Variants in KBTBD12 observed in about 807,000 individuals in gnomAD.
KBTBD12 encodes kelch repeat and BTB domain containing 12.
Under a neutral mutation model 58.7 loss-of-function variants are expected in KBTBD12, and 53 were observed. The ratio of observed to expected loss-of-function variants is 0.90; its 90% confidence interval spans 0.72 to 1.14. KBTBD12 has a LOEUF of 1.14. Among genes scored for constraint, KBTBD12 ranks in the 50% most tolerant of loss-of-function variants. KBTBD12 has a pLI of 0.00. For missense variants in KBTBD12, 704 were observed against 751.3 expected (o/e 0.94, Z 0.74); for synonymous variants, 236 against 259.8 (o/e 0.91, Z 0.88).
intron 4 of KBTBD12, among the ~76,000 whole-genome samples, chr3:127,952,082 C>T (rs1940217727): frequency 6.6e-6 from 1 of 152,212 alleles, no homozygotes; most frequent in African/African-American, 2.4e-5. Flanking sequence ...AGTTATCACA[C>T]TCTTCTTTGC....
At chr3:127,970,031 C>A (rs10934834) in intron 5 of KBTBD12, among the ~76,000 whole-genome samples, 80,213 of 151,964 alleles carry the variant, frequency 0.53, 21,880 homozygotes, top group African/African-American at 0.67. Context: ...GGATGAGAGA[C>A]AATAATTGCA....
intron 4 of KBTBD12, among the ~76,000 whole-genome samples, chr3:127,961,458 T>C (rs1940437833): frequency 6.6e-6 from 1 of 152,214 alleles, no homozygotes; most frequent in Non-Finnish European, 1.5e-5. Context: ...AGTCCCTGGA[T>C]TCAAACTGAG....
At chr3:127,933,899 A>G (rs1939766773) in intron 4 of KBTBD12, among the ~76,000 whole-genome samples, 1 of 152,196 alleles carries the variant, frequency 6.6e-6, no homozygotes, top group African/African-American at 2.4e-5. Flanking sequence ...TTAGTTAAAA[A>G]CAACAACAAA....
intron 4 of KBTBD12, among the ~76,000 whole-genome samples, chr3:127,959,459 G>A (rs946410094): frequency 6.6e-6 from 1 of 152,096 alleles, no homozygotes; most frequent in Non-Finnish European, 1.5e-5. Flanking sequence ...AACTATTAAG[G>A]ACAATTTGAC....
At chr3:127,975,331 C>T (rs932304314) in intron 5 of KBTBD12, among the ~76,000 whole-genome samples, 1 of 152,272 alleles carries the variant, frequency 6.6e-6, no homozygotes, top group East Asian at 1.9e-4. Context: ...GAGTAGCAGA[C>T]GGATGTAGTC....
Position 127,928,000 on chromosome 3 carries a change from A to C in KBTBD12, c.1307A>C (p.Asn436Thr). The stretch of plus-strand genomic sequence containing the variant: ...TGTCATGCTGTAGTGACAGTGAATA[A>C]TAAACTTTATGTAATTGGAGGCTGG... ...LACHAVVTVN[N>T]KLYVIGGWTP... The change falls in exon 3 of 6, where the codon AAT becomes ACT. Residue 436 changes from asparagine (N) to threonine (T), a missense_variant. Transcript: ENST00000405109. The C allele has an allele frequency of 1.9e-6, 3 of 1,613,566 alleles. No homozygotes were observed. The highest frequency in any genetic ancestry group is 2.5e-6 in the Non-Finnish European group (3 of 1,179,678).
intron 3 of KBTBD12, among the ~76,000 whole-genome samples, chr3:127,929,136 A>C (rs1279884572): frequency 1.3e-5 from 2 of 152,230 alleles, no homozygotes; most frequent in Admixed American, 1.3e-4. Context: ...ATTAGAAGGA[A>C]AATTAAAACC....
chr3:127,959,918 T>C (rs923673014), intron 4 of KBTBD12, among the ~76,000 whole-genome samples: 2 of 152,244 alleles, frequency 1.3e-5, no homozygotes, highest in African/African-American at 2.4e-5. Context: ...GTCCACATGC[T>C]TTTTCCAAGG....
At chr3:127,932,129 A>G (rs984739199) in intron 4 of KBTBD12, among the ~76,000 whole-genome samples, 1 of 152,150 alleles carries the variant, frequency 6.6e-6, no homozygotes, top group Admixed American at 6.5e-5. Flanking sequence ...AGGTTTTTAC[A>G]GTAGCTTACA....
intron 4 of KBTBD12, among the ~76,000 whole-genome samples, chr3:127,941,758 C>A: frequency 6.6e-6 from 1 of 152,094 alleles, no homozygotes; most frequent in East Asian, 1.9e-4. Flanking sequence ...TGCCATCACG[C>A]CCAGCTCATT....
chr3:127,976,448 C>T (rs906404820), intron 5 of KBTBD12, among the ~76,000 whole-genome samples: 11 of 152,170 alleles, frequency 7.2e-5, no homozygotes, highest in Non-Finnish European at 1.5e-4. Context: ...AAATCTTCCT[C>T]TCTTGATGTC....
chr3:127,955,314 A>G (rs1940297437), intron 4 of KBTBD12, among the ~76,000 whole-genome samples: 1 of 152,222 alleles, frequency 6.6e-6, no homozygotes, highest in African/African-American at 2.4e-5. Context: ...GTTTACTGAA[A>G]ACATAACAGC....
Position 127,927,897 on chromosome 3 carries a change from A to G in KBTBD12, c.1204A>G (p.Ile402Val), listed in dbSNP as rs763969985. 1.9e-6 allele frequency: 3 copies of G among 1,613,584 alleles called. No homozygotes were observed. The East Asian group carries it at 6.7e-5, about 36-fold the overall frequency. Reference protein sequence around the residue: ...GQMKIKNQYLITNCVDKYSVE... With the variant: ...GQMKIKNQYLVTNCVDKYSVE... ...GATGAAAATTAAAAACCAGTATCTT[A>G]TTACAAACTGTGTTGATAAGTACTC... Residue 402 changes from isoleucine (I) to valine (V), a missense_variant, in exon 3 of 6, where the codon ATT becomes GTT. Coordinates refer to ENST00000405109, the MANE Select transcript of KBTBD12 (RefSeq NM_207335.4).
intron 5 of KBTBD12, among the ~76,000 whole-genome samples, chr3:127,971,832 AC>A (rs1419136919): frequency 6.6e-6 from 1 of 152,152 alleles, no homozygotes; most frequent in Non-Finnish European, 1.5e-5. Flanking sequence ...GACCCAAACA[AC>A]ATTTTCACCT....
intron 5 of KBTBD12, among the ~76,000 whole-genome samples, chr3:127,974,820 T>C (rs1940750246): frequency 6.6e-6 from 1 of 151,900 alleles, no homozygotes; most frequent in South Asian, 2.1e-4. Flanking sequence ...CTACTAAAAA[T>C]ACAAAAAAAT....
Position 127,984,742 on chromosome 3 carries a change from C to T in KBTBD12, c.*464C>T, listed in dbSNP as rs1476276971. The stretch of plus-strand genomic sequence containing the variant: ...CCTGGCTGGGCCAGATTGCCTGGGG[C>T]ACAGGGTTTGTGGTCAAGGCTGGAA... On this transcript the variant is annotated 3_prime_UTR_variant, in exon 6 of 6. Coordinates refer to ENST00000405109, the MANE Select transcript of KBTBD12 (RefSeq NM_207335.4). 1 of 153,270 alleles carries T rather than the reference C, an allele frequency of 6.5e-6. No homozygotes were observed. Among genetic ancestry groups the T allele is most frequent in the Admixed American group, 6.5e-5 (1 of 15,390 alleles). The allele number at this position is 153,270 out of a possible 1,614,324, so 9.5% of individuals were successfully genotyped here. A position where few individuals can be genotyped will look rare whatever the true frequency, so the allele number is the denominator to read the frequency against.
intron 5 of KBTBD12, among the ~76,000 whole-genome samples, chr3:127,977,214 A>G (rs1300071909): frequency 2.0e-5 from 3 of 152,208 alleles, no homozygotes; most frequent in East Asian, 3.8e-4. Context: ...TGTCTACCAC[A>G]GTTTCTTTAT....
At position 127,982,617 on chromosome 3, in the gene KBTBD12, C is replaced by G. The variant is rs142074229; in HGVS notation, c.1691-1480C>G. Among the ~76,000 whole-genome samples the G allele has an allele frequency of 2.9e-3, 437 of 152,338 alleles. 2 individuals are homozygous for G. The highest frequency in any genetic ancestry group is 9.8e-3 in the African/African-American group (406 of 41,576). On this transcript the variant is annotated intron_variant, in intron 5 of 5. Transcript: ENST00000405109. ...TAAGAAAACTTGTTTTCCTGAGCCT[C>G]TCCCTTGCCTGCACCTGACTTTCAC...
chr3:127,951,604 G>A (rs547802624), intron 4 of KBTBD12, among the ~76,000 whole-genome samples: 31 of 152,276 alleles, frequency 2.0e-4, no homozygotes, highest in African/African-American at 7.5e-4. Context: ...ACTTGTCATG[G>A]CTCGGGAACA....
Sources: allele counts gnomAD v4.1 joint callset (sites outside exome capture counted in the v4.1 genomes callset), GRCh38; gene constraint gnomAD v4.1.1; transcripts MANE v1.5; gene names NCBI Gene and HGNC (gene_info 2026-07-23, HGNC 2026-07-21).